The following WDFY4 variants were observed in gnomAD, a reference collection of about 807,000 sequenced individuals.
WDFY4 encodes WD repeat- and FYVE domain-containing protein 4.
In WDFY4, 169 loss-of-function variants were observed where a neutral mutation model predicts 351.9. The observed-to-expected ratio is 0.48, with a 90% confidence interval of 0.42 to 0.55. The LOEUF is 0.55. WDFY4 is among the 20% of genes least tolerant of loss of function. The probability of loss-of-function intolerance (pLI) is 0.00; values close to 1 mark genes in which losing one functional copy is unlikely to be tolerated. For missense variants in WDFY4, 3,803 were observed against 3,935.6 expected (o/e 0.97, Z 0.90); for synonymous variants, 1,622 against 1,574.6 (o/e 1.03, Z -0.71).
intron 39 of WDFY4, among the ~76,000 whole-genome samples, chr10:48,844,508 C>T (rs2068712613): frequency 6.6e-6 from 1 of 152,100 alleles, no homozygotes; most frequent in Non-Finnish European, 1.5e-5. Flanking sequence ...AGGAGAATTG[C>T]TTGAACCCTG....
At chr10:48,775,596 A>G in intron 14 of WDFY4, 116 bp from the exon 15 acceptor site, 1 of 931,044 alleles carries the variant, frequency 1.1e-6, no homozygotes, top group African/African-American at 1.7e-5. Context: ...AGGGTGTTCC[A>G]GTGGGGCTGG....
In WDFY4 at chr10:48,735,881, T is replaced by G; in HGVS notation, c.1689T>G (p.Val563=). The G allele has an allele frequency of 6.4e-7, 1 of 1,551,472 alleles. No homozygotes were observed. The highest frequency in any genetic ancestry group is 8.7e-7 in the Non-Finnish European group (1 of 1,146,848). Residue 563 remains valine (V), a splice_region_variant and synonymous_variant, in exon 11 of 62, where the codon GTT becomes GTG. Transcript: ENST00000325239. Reference sequence around the variant, plus strand: ...CCATTCTGTCTGTCTGATCCTTAGTTGTCCTGAAGGACCACGGCATGGTGC... The same window carrying G: ...CCATTCTGTCTGTCTGATCCTTAGTGGTCCTGAAGGACCACGGCATGGTGC... The part of the protein sequence containing the change: ...TLLKGSVRNA[V]VLKDHGMVPF...
intron 3 of WDFY4, among the ~76,000 whole-genome samples, chr10:48,720,897 G>A (rs543323468): frequency 3.3e-5 from 5 of 152,318 alleles, no homozygotes; most frequent in African/African-American, 1.2e-4. Flanking sequence ...AAATTGCTCA[G>A]CATGGTGTAG....
intron 10 of WDFY4, 114 bp from the exon 11 acceptor site, chr10:48,735,766 A>C: frequency 8.7e-7 from 1 of 1,149,348 alleles, no homozygotes; most frequent in South Asian, 1.6e-5. Flanking sequence ...AAAGAGAAAC[A>C]AAAAATAGCA....
intron 23 of WDFY4, among the ~76,000 whole-genome samples, chr10:48,794,897 A>G (rs192247888): frequency 2.0e-5 from 3 of 152,356 alleles, no homozygotes; most frequent in East Asian, 3.9e-4. Context: ...AGGTAAGGAC[A>G]TGGAGCCAGG....
chr10:48,789,965 C>G lies in WDFY4; in HGVS notation c.4046C>G (p.Ala1349Gly), dbSNP rs1375099708. 2 of 1,552,360 alleles carry G rather than the reference C, an allele frequency of 1.3e-6. No homozygotes were observed. The highest frequency in any genetic ancestry group is 1.7e-4 in the Middle Eastern group (1 of 5,998). Residue 1349 changes from alanine (A) to glycine (G), a missense_variant, in exon 22 of 62, where the codon GCT (alanine) becomes GGT (glycine). By Grantham distance (60) the Ala-to-Gly change is moderately conservative (BLOSUM62 0). Transcript: ENST00000325239. ...TCAGGGTCTCTGCGGACCATTGGAG[C>G]TGTTGCTGTGGGTCAATTAGGTATG... The part of the protein sequence containing the change: ...HLSGSLRTIG[A>G]VAVGQLGVRV...
At chr10:48,843,965 C>T (rs893487822) in intron 39 of WDFY4, among the ~76,000 whole-genome samples, 1 of 152,170 alleles carries the variant, frequency 6.6e-6, no homozygotes, top group African/African-American at 2.4e-5. Context: ...AAAGATAAAA[C>T]GGCAGATGGC....
At chr10:48,876,798 A>T (rs529983503) in intron 42 of WDFY4, among the ~76,000 whole-genome samples, 2 of 152,342 alleles carry the variant, frequency 1.3e-5, no homozygotes, top group South Asian at 4.1e-4. Context: ...GCCTGGGCAT[A>T]TCTGGGCCCT....
At chr10:48,903,384 G>A (rs193164970) in intron 47 of WDFY4, among the ~76,000 whole-genome samples, 7 of 152,330 alleles carry the variant, frequency 4.6e-5, no homozygotes, top group Admixed American at 3.3e-4. Flanking sequence ...AGAATAGACT[G>A]GAGTGGGTCA....
intron 52 of WDFY4, among the ~76,000 whole-genome samples, chr10:48,957,569 G>A (rs1841656506): frequency 6.6e-6 from 1 of 152,216 alleles, no homozygotes; most frequent in Non-Finnish European, 1.5e-5. Flanking sequence ...GAGACCAGGG[G>A]CTCTTCTGTG....
At position 48,855,224 on chromosome 10, in the gene WDFY4, T is replaced by C. The variant is rs374677229; in HGVS notation, c.6664-12041T>C. ...ACATAGGGAAAAAGTGGATCATAAA[T>C]ATACAGATTTAAGAATTTTAATAAA... On this transcript the variant is annotated intron_variant, in intron 39 of 61. Coordinates refer to ENST00000325239, the MANE Select transcript of WDFY4 (RefSeq NM_001394531.1). Among the ~76,000 whole-genome samples the C allele has an allele frequency of 4.5e-4, 68 of 152,268 alleles. No homozygotes were observed. In the East Asian group the frequency reaches 0.01, roughly 23 times the overall value.
intron 2 of WDFY4, among the ~76,000 whole-genome samples, chr10:48,715,800 T>C (rs2063889568): frequency 9.0e-6 from 1 of 110,834 alleles, no homozygotes; most frequent in African/African-American, 3.4e-5. Context: ...TAATTTTTCT[T>C]TTCTTTTCTT....
intron 53 of WDFY4, among the ~76,000 whole-genome samples, chr10:48,962,520 G>A (rs919831111): frequency 6.6e-6 from 1 of 152,166 alleles, no homozygotes; most frequent in African/African-American, 2.4e-5. Flanking sequence ...GAGACACTGG[G>A]CCATACTTCC....
intron 28 of WDFY4, among the ~76,000 whole-genome samples, 177 bp from the exon 29 acceptor site, chr10:48,810,353 A>G (rs1047793994): frequency 3.3e-5 from 5 of 152,246 alleles, no homozygotes; most frequent in Non-Finnish European, 7.3e-5. Flanking sequence ...CATCATTTGC[A>G]CAACAATCTT....
At chr10:48,807,787 T>A in intron 27 of WDFY4, 72 bp from the exon 28 acceptor site, 1 of 1,497,448 alleles carries the variant, frequency 6.7e-7, no homozygotes, top group East Asian at 2.5e-5. Context: ...TTGGTGAATA[T>A]GATTGCTTAC....
intron 38 of WDFY4, among the ~76,000 whole-genome samples, chr10:48,831,551 G>A (rs2068189743): frequency 1.3e-5 from 2 of 152,210 alleles, no homozygotes; most frequent in African/African-American, 4.8e-5. Context: ...AGACTGTCCA[G>A]TGGCCCAGAA....
At chr10:48,722,686 C>T (rs1565129334) in intron 4 of WDFY4, among the ~76,000 whole-genome samples, 1 of 152,242 alleles carries the variant, frequency 6.6e-6, no homozygotes, top group Non-Finnish European at 1.5e-5. Context: ...CACACATGCA[C>T]ACATGCATCA....
intron 14 of WDFY4, among the ~76,000 whole-genome samples, chr10:48,774,910 A>G (rs1299945697): frequency 6.6e-6 from 1 of 152,048 alleles, no homozygotes; most frequent in African/African-American, 2.4e-5. Context: ...AGGGGGCTCC[A>G]AGGAAGTGGA....
intron 23 of WDFY4, among the ~76,000 whole-genome samples, chr10:48,795,528 TATATATACACAC>T (rs1261076449): frequency 0.021 from 1,916 of 89,434 alleles, 21 homozygotes; most frequent in Middle Eastern, 0.1. Flanking sequence ...TATATACATA[TATATATACACAC>T]ACATGAATAG....
Sources: allele counts gnomAD v4.1 joint callset (sites outside exome capture counted in the v4.1 genomes callset), GRCh38; gene constraint gnomAD v4.1.1; transcripts MANE v1.5; gene names NCBI Gene and HGNC (gene_info 2026-07-23, HGNC 2026-07-21).